Variants in CSMD3 observed in about 807,000 individuals in gnomAD.
The protein encoded by CSMD3 is CUB and sushi domain-containing protein 3.
In CSMD3, 177 loss-of-function variants were observed where a neutral mutation model predicts 435.2. That is an observed-to-expected ratio of 0.41 (90% CI 0.36 to 0.46). CSMD3 has a LOEUF of 0.46. Among genes scored for constraint, CSMD3 ranks in the 20% least tolerant of loss-of-function variants. The pLI is 0.34. For missense variants in CSMD3, 4,265 were observed against 4,504.6 expected (o/e 0.95, Z 1.52); for synonymous variants, 1,656 against 1,520.5 (o/e 1.09, Z -2.07).
chr8:113,140,727 C>G (rs545890711), intron 4 of CSMD3, among the ~76,000 whole-genome samples: 29 of 150,892 alleles, frequency 1.9e-4, no homozygotes, highest in Non-Finnish European at 3.3e-4. Context: ...AATGTAAAAA[C>G]AATCTAAGAA....
chr8:113,034,162 A>C (rs1362635010), intron 5 of CSMD3, among the ~76,000 whole-genome samples: 1 of 151,602 alleles, frequency 6.6e-6, no homozygotes, highest in Non-Finnish European at 1.5e-5. Flanking sequence ...TAATACAAGG[A>C]TCTCTCTGTA....
intron 27 of CSMD3, among the ~76,000 whole-genome samples, chr8:112,543,284 A>G (rs1350175956): frequency 6.6e-6 from 1 of 152,128 alleles, no homozygotes; most frequent in Non-Finnish European, 1.5e-5. Flanking sequence ...AAGCTTCTGT[A>G]CAATCAACAG....
At chr8:113,271,909 C>G (rs1385837492) in intron 3 of CSMD3, among the ~76,000 whole-genome samples, 2 of 152,170 alleles carry the variant, frequency 1.3e-5, no homozygotes, top group African/African-American at 4.8e-5. Context: ...ACTATGGCAA[C>G]CTGCCTCTTT....
chr8:113,415,529 G>A (rs73701385), intron 1 of CSMD3, among the ~76,000 whole-genome samples: 3,431 of 152,174 alleles, frequency 0.023, 111 homozygotes, highest in African/African-American at 0.077. Flanking sequence ...TTTAAAGTTA[G>A]GTTTTCAGAT....
At chr8:112,699,976 G>A (rs1040994986) in intron 13 of CSMD3, among the ~76,000 whole-genome samples, 7 of 152,080 alleles carry the variant, frequency 4.6e-5, no homozygotes, top group Non-Finnish European at 7.4e-5. Context: ...GTGTGCGTGC[G>A]TGTGTGTAGT....
At chr8:112,346,009 T>G (rs1364305072) in intron 41 of CSMD3, 88 bp downstream of exon 41, 26 of 836,556 alleles carry the variant, frequency 3.1e-5, no homozygotes, top group South Asian at 2.7e-4. Context: ...TGTGAAGATT[T>G]TATAAATTCT....
intron 38 of CSMD3, among the ~76,000 whole-genome samples, chr8:112,374,654 T>C (rs1358672138): frequency 6.6e-6 from 1 of 152,194 alleles, no homozygotes; most frequent in Non-Finnish European, 1.5e-5. Flanking sequence ...TCAGGAAGTT[T>C]TCAAATAATA....
At chr8:113,205,602 T>A (rs2092762092) in intron 3 of CSMD3, among the ~76,000 whole-genome samples, 1 of 152,144 alleles carries the variant, frequency 6.6e-6, no homozygotes, top group African/African-American at 2.4e-5. Flanking sequence ...CATATTCCCA[T>A]CATTAAGCAA....
chr8:112,477,732 C>T (rs1819205888), intron 31 of CSMD3, among the ~76,000 whole-genome samples: 1 of 152,178 alleles, frequency 6.6e-6, no homozygotes, highest in Non-Finnish European at 1.5e-5. Context: ...GCTTCTTGTA[C>T]ATCCTGAAAA....
chr8:113,012,040 G>T (rs575822364), intron 6 of CSMD3, among the ~76,000 whole-genome samples: 7 of 151,778 alleles, frequency 4.6e-5, no homozygotes, highest in African/African-American at 1.4e-4. Flanking sequence ...CTTGAAGAAA[G>T]ATGATAATAA....
intron 1 of CSMD3, among the ~76,000 whole-genome samples, chr8:113,361,993 T>C (rs910733163): frequency 1.3e-5 from 2 of 152,180 alleles, no homozygotes; most frequent in African/African-American, 4.8e-5. Context: ...TAAATAGATC[T>C]ATAAGCTCTG....
Position 113,171,065 on chromosome 8 carries a change from T to C in CSMD3, c.709+2657A>G, listed in dbSNP as rs1209734708. 2.0e-5 allele frequency among the ~76,000 whole-genome samples: 3 copies of C among 152,016 alleles called. No individual in the cohort carries two copies. In the East Asian group the frequency reaches 5.8e-4, roughly 29 times the overall value. Reference sequence around the variant, plus strand: ...GGGTTAGATTTGAACAGAAGGACATTTGATATTATTCCATTTCAAATTTGT... The same window carrying C: ...GGGTTAGATTTGAACAGAAGGACATCTGATATTATTCCATTTCAAATTTGT... On this transcript the variant is annotated intron_variant, in intron 4 of 70. Transcript: ENST00000297405.
chr8:112,241,100 C>T (rs1464896939), intron 66 of CSMD3, among the ~76,000 whole-genome samples: 1 of 152,028 alleles, frequency 6.6e-6, no homozygotes, highest in Non-Finnish European at 1.5e-5. Context: ...ACGCACTCTG[C>T]ACTTCATTTG....
chr8:112,668,232 C>T (rs946227683), intron 16 of CSMD3, among the ~76,000 whole-genome samples: 1 of 151,964 alleles, frequency 6.6e-6, no homozygotes, highest in East Asian at 1.9e-4. Context: ...AATTAGGTTT[C>T]CTGTAGGGTT....
chr8:113,092,729 C>T (rs896448512), intron 5 of CSMD3, among the ~76,000 whole-genome samples: 2 of 151,968 alleles, frequency 1.3e-5, no homozygotes, highest in Non-Finnish European at 2.9e-5. Flanking sequence ...TGAAAGTAAC[C>T]TACAAGTAGA....
intron 10 of CSMD3, among the ~76,000 whole-genome samples, chr8:112,899,662 TACACACACAC>T (rs60352918): frequency 8.2e-6 from 1 of 121,688 alleles, no homozygotes; most frequent in Non-Finnish European, 1.7e-5. Flanking sequence ...CGCAAATACA[TACACACACAC>T]ACACACACAC....
intron 45 of CSMD3, among the ~76,000 whole-genome samples, chr8:112,331,045 T>C (rs1466624957): frequency 1.3e-5 from 2 of 152,008 alleles, no homozygotes; most frequent in African/African-American, 4.8e-5. Context: ...ATACTTACCT[T>C]ATAGGGTTAC....
chr8:113,178,765 G>A (rs1186585606), intron 3 of CSMD3, among the ~76,000 whole-genome samples: 2 of 151,786 alleles, frequency 1.3e-5, no homozygotes, highest in Admixed American at 1.3e-4. Flanking sequence ...TAGTTATTAG[G>A]TTTGGCAATA....
intron 22 of CSMD3, among the ~76,000 whole-genome samples, chr8:112,595,868 C>T (rs1443522569): frequency 7.3e-5 from 6 of 82,702 alleles, no homozygotes; most frequent in Non-Finnish European, 1.5e-4. Flanking sequence ...GAAGGAAGCG[C>T]TAAACATGGA....
Sources: allele counts gnomAD v4.1 joint callset (sites outside exome capture counted in the v4.1 genomes callset), GRCh38; gene constraint gnomAD v4.1.1; transcripts MANE v1.5; gene names NCBI Gene and HGNC (gene_info 2026-07-23, HGNC 2026-07-21).